The following GRM7 variants were observed in gnomAD, a reference collection of about 807,000 sequenced individuals.
GRM7 encodes the protein metabotropic glutamate receptor 7.
Under a neutral mutation model 84.5 loss-of-function variants are expected in GRM7, and 35 were observed. That is an observed-to-expected ratio of 0.41 (90% CI 0.32 to 0.55). GRM7 has a LOEUF of 0.55. Among genes scored for constraint, GRM7 ranks in the 20% least tolerant of loss-of-function variants. GRM7 has a pLI of 0.19. For missense variants in GRM7, 1,003 were observed against 1,194.6 expected, an observed-to-expected ratio of 0.84 and a Z score of 2.36; for synonymous variants, 487 against 455.1, an observed-to-expected ratio of 1.07 and a Z score of -0.89.
intron 4 of GRM7, among the ~76,000 whole-genome samples, chr3:7,380,519 C>G (rs1160087977): frequency 6.6e-6 from 1 of 152,118 alleles, no homozygotes; most frequent in African/African-American, 2.4e-5. Context: ...CTCTCTCAAC[C>G]TTATTCTTTG....
intron 1 of GRM7, among the ~76,000 whole-genome samples, chr3:6,908,101 A>G (rs1179433576): frequency 6.6e-6 from 1 of 152,232 alleles, no homozygotes; most frequent in African/African-American, 2.4e-5. Context: ...AAATAAAAAG[A>G]CAAAGCAAGC....
chr3:7,048,055 C>T (rs910515467), intron 1 of GRM7, among the ~76,000 whole-genome samples: 6 of 151,824 alleles, frequency 4.0e-5, no homozygotes, highest in Admixed American at 1.3e-4. Flanking sequence ...TTCAACATTG[C>T]GATGGAATGG....
rs73808620 is a variant in GRM7 at position 7,055,871 on chromosome 3, T to C, written c.520-90581T>C. Among the ~76,000 whole-genome samples the C allele has an allele frequency of 5.6e-3, 849 of 152,032 alleles. 7 individuals carry two copies. Among genetic ancestry groups the C allele is most frequent in the African/African-American group, 0.019 (783 of 41,526 alleles). On this transcript the variant is annotated intron_variant, in intron 1 of 9. Transcript: ENST00000357716. ...CTGAATATATACACACTCATGGCCC[T>C]CTCAGTATTGATCAGGAGAAGTATT...
At chr3:7,601,492 T>C (rs561227221) in intron 8 of GRM7, among the ~76,000 whole-genome samples, 2 of 152,240 alleles carry the variant, frequency 1.3e-5, no homozygotes, top group Admixed American at 6.5e-5. Flanking sequence ...AAGATTGGAA[T>C]AGATAACCCT....
Position 7,048,879 on chromosome 3 carries a change from C to T in GRM7, c.520-97573C>T, listed in dbSNP as rs572954459. 5.3e-5 allele frequency among the ~76,000 whole-genome samples: 8 copies of T among 151,976 alleles called. No homozygotes were observed. In the East Asian group the frequency reaches 1.6e-3, roughly 30 times the overall value. ...CGAACACTTCCTCACCCCCGGTAACCACCATTCTGTTCTCTTCTTCAATCA... is the reference window on the plus strand; with the variant it reads ...CGAACACTTCCTCACCCCCGGTAACTACCATTCTGTTCTCTTCTTCAATCA... On this transcript the variant is annotated intron_variant, in intron 1 of 9. Transcript: ENST00000357716.
chr3:6,911,151 G>A (rs893121948), intron 1 of GRM7, among the ~76,000 whole-genome samples: 1 of 152,138 alleles, frequency 6.6e-6, no homozygotes, highest in Non-Finnish European at 1.5e-5. Context: ...CTCTGCTTAT[G>A]AGAAAGTACC....
At chr3:7,564,137 G>C (rs1694154364) in intron 7 of GRM7, among the ~76,000 whole-genome samples, 2 of 152,204 alleles carry the variant, frequency 1.3e-5, no homozygotes. Flanking sequence ...GTTTATGGGA[G>C]AAAACAGGAA....
intron 7 of GRM7, among the ~76,000 whole-genome samples, chr3:7,556,174 GAA>G (rs1341222924): frequency 1.3e-5 from 2 of 152,112 alleles, no homozygotes; most frequent in Non-Finnish European, 1.5e-5. Context: ...TCACGTGGTA[GAA>G]AGGACAAGGC....
Position 7,710,131 on chromosome 3 carries a change from T to C in GRM7, c.2698+29836T>C, listed in dbSNP as rs142222087. Among the ~76,000 whole-genome samples the C allele has an allele frequency of 3.8e-4, 58 of 152,238 alleles. 1 individual carries two copies. The highest frequency in any genetic ancestry group is 8.2e-4 in the Non-Finnish European group (56 of 68,010). ...TATATAAACAATACTATAAAAGGTA[T>C]ACTGTTCTTAATAGTATAAGAATTA... On this transcript the variant is annotated intron_variant, in intron 9 of 9. Transcript: ENST00000357716.
chr3:7,552,052 C>T (rs1418832126), intron 7 of GRM7, among the ~76,000 whole-genome samples: 2 of 152,200 alleles, frequency 1.3e-5, no homozygotes, highest in African/African-American at 4.8e-5. Context: ...ATGAGAACAG[C>T]ATGGGAGAAA....
chr3:6,866,912 C>T (rs1178451359), intron 1 of GRM7, among the ~76,000 whole-genome samples: 4 of 152,184 alleles, frequency 2.6e-5, no homozygotes, highest in African/African-American at 9.6e-5. Context: ...TAAATGGGAA[C>T]ACTATCTCCT....
chr3:7,279,333 T>C (rs933288370), intron 2 of GRM7, among the ~76,000 whole-genome samples: 1 of 152,176 alleles, frequency 6.6e-6, no homozygotes, highest in Admixed American at 6.6e-5. Flanking sequence ...TCTCGCTTCA[T>C]CCATAATTCC....
intron 1 of GRM7, among the ~76,000 whole-genome samples, chr3:7,106,787 C>A (rs916051099): frequency 2.6e-5 from 4 of 151,998 alleles, no homozygotes; most frequent in Non-Finnish European, 5.9e-5. Context: ...TGGACTAAGG[C>A]AAATGCATAT....
intron 2 of GRM7, among the ~76,000 whole-genome samples, chr3:7,246,171 G>T (rs1262022797): frequency 1.3e-5 from 2 of 152,032 alleles, no homozygotes; most frequent in Non-Finnish European, 2.9e-5. Context: ...TTTGGTAGAA[G>T]TCACAATTAC....
At chr3:7,126,196 G>A (rs1243965688) in intron 1 of GRM7, among the ~76,000 whole-genome samples, 4 of 152,188 alleles carry the variant, frequency 2.6e-5, no homozygotes, top group African/African-American at 9.7e-5. Flanking sequence ...AGGGCCTTAA[G>A]TGAACTTGAA....
chr3:7,738,952 T>G (rs548560822), intron 9 of GRM7, among the ~76,000 whole-genome samples: 1 of 152,164 alleles, frequency 6.6e-6, no homozygotes, highest in African/African-American at 2.4e-5. Context: ...CCTGGAAGAT[T>G]TGGGCATTAT....
At chr3:6,936,931 C>T (rs1697714487) in intron 1 of GRM7, among the ~76,000 whole-genome samples, 1 of 152,150 alleles carries the variant, frequency 6.6e-6, no homozygotes, top group African/African-American at 2.4e-5. Flanking sequence ...ATAATGATTT[C>T]CTTGCAATTA....
At chr3:7,721,646 A>T (rs1659546112) in intron 9 of GRM7, among the ~76,000 whole-genome samples, 1 of 152,230 alleles carries the variant, frequency 6.6e-6, no homozygotes, top group Admixed American at 6.5e-5. Context: ...TGAATAAAAT[A>T]TATAAATAAA....
At chr3:7,083,599 A>C (rs116511814) in intron 1 of GRM7, among the ~76,000 whole-genome samples, 1,593 of 152,206 alleles carry the variant, frequency 0.01, 30 homozygotes, top group African/African-American at 0.036. Context: ...GCCTGCATTC[A>C]TTTATGTTTT....
Sources: allele counts gnomAD v4.1 joint callset (sites outside exome capture counted in the v4.1 genomes callset), GRCh38; gene constraint gnomAD v4.1.1; transcripts MANE v1.5; gene names NCBI Gene and HGNC (gene_info 2026-07-23, HGNC 2026-07-21).